The following NCKAP5 variants were observed in gnomAD, a reference collection of about 807,000 sequenced individuals.
NCKAP5 encodes NCK associated protein 5.
In NCKAP5, 92 loss-of-function variants were observed where a neutral mutation model predicts 167.0. That is an observed-to-expected ratio of 0.55 (90% CI 0.47 to 0.66). The LOEUF is 0.66. Among genes scored for constraint, NCKAP5 ranks in the 30% least tolerant of loss-of-function variants. The pLI is 0.00. For missense variants in NCKAP5, 2,378 were observed against 2,315.0 expected (o/e 1.03, Z -0.56); for synonymous variants, 891 against 877.4 (o/e 1.02, Z -0.27).
At chr2:133,205,160 G>A (rs2085887452) in intron 5 of NCKAP5, among the ~76,000 whole-genome samples, 1 of 152,074 alleles carries the variant, frequency 6.6e-6, no homozygotes, top group Non-Finnish European at 1.5e-5. Context: ...AGGCATCGTG[G>A]TGTGTGCCTT....
chr2:132,724,957 A>G (rs1194525152), intron 19 of NCKAP5, among the ~76,000 whole-genome samples: 1 of 152,192 alleles, frequency 6.6e-6, no homozygotes, highest in Non-Finnish European at 1.5e-5. Flanking sequence ...TTTAGAAAAA[A>G]GTTGATTAGT....
At chr2:133,324,815 G>A (rs1159535745) in intron 3 of NCKAP5, among the ~76,000 whole-genome samples, 1 of 152,070 alleles carries the variant, frequency 6.6e-6, no homozygotes, top group African/African-American at 2.4e-5. Context: ...CACCGCCTGG[G>A]TTCAAGTGAT....
intron 3 of NCKAP5, among the ~76,000 whole-genome samples, chr2:133,326,884 T>C (rs964228463): frequency 6.6e-6 from 1 of 152,182 alleles, no homozygotes; most frequent in South Asian, 2.1e-4. Context: ...CAGATTCCAC[T>C]TCAGACCAAC....
chr2:132,677,319 C>T (rs563145905), intron 19 of NCKAP5, among the ~76,000 whole-genome samples: 2 of 152,110 alleles, frequency 1.3e-5, no homozygotes, highest in South Asian at 2.1e-4. Flanking sequence ...AAAATATTTT[C>T]CTGCCTTTAG....
chr2:132,769,387 G>A (rs1681822917), intron 16 of NCKAP5, among the ~76,000 whole-genome samples: 1 of 152,108 alleles, frequency 6.6e-6, no homozygotes, highest in Non-Finnish European at 1.5e-5. Context: ...GTTAATATTG[G>A]TTAAAAGAAC....
chr2:132,780,763 C>T (rs957756350), intron 15 of NCKAP5, among the ~76,000 whole-genome samples: 2 of 152,130 alleles, frequency 1.3e-5, no homozygotes, highest in African/African-American at 4.8e-5. Context: ...GAAGATGATA[C>T]CAGTAGCATC....
intron 17 of NCKAP5, 92 bp downstream of exon 17, chr2:132,731,645 G>A (rs1194553023): frequency 2.2e-6 from 3 of 1,335,284 alleles, no homozygotes; most frequent in Non-Finnish European, 3.1e-6. Context: ...ATTTTTATCA[G>A]GCAGGTCACT....
chr2:133,632,826 G>C, the NCKAP5 span, among the ~76,000 whole-genome samples: 7 of 152,228 alleles, frequency 4.6e-5, no homozygotes, highest in Non-Finnish European at 1.5e-5. Flanking sequence ...CTGCAACTGT[G>C]AAGAGGCCAA....
At chr2:132,857,953 A>G (rs1365783775) in intron 11 of NCKAP5, among the ~76,000 whole-genome samples, 1 of 152,198 alleles carries the variant, frequency 6.6e-6, no homozygotes, top group African/African-American at 2.4e-5. Flanking sequence ...AGGGACAAAG[A>G]ATTGGCTGTT....
At chr2:133,305,194 T>G (rs1243487888) in intron 3 of NCKAP5, among the ~76,000 whole-genome samples, 1 of 152,158 alleles carries the variant, frequency 6.6e-6, no homozygotes, top group Non-Finnish European at 1.5e-5. Context: ...GGACTTGTCA[T>G]TTTGTTCATT....
chr2:133,012,501 G>T (rs2078195893), intron 6 of NCKAP5, among the ~76,000 whole-genome samples: 1 of 152,148 alleles, frequency 6.6e-6, no homozygotes. Context: ...GCCCGCCTCG[G>T]CCTCCCAAAG....
chr2:133,224,982 T>C (rs1177166126), intron 4 of NCKAP5, among the ~76,000 whole-genome samples: 1 of 152,186 alleles, frequency 6.6e-6, no homozygotes, highest in Non-Finnish European at 1.5e-5. Flanking sequence ...TGCCACGCTC[T>C]CTAAGAAACT....
chr2:132,995,433 C>T (rs1351855533), intron 6 of NCKAP5, among the ~76,000 whole-genome samples: 14 of 151,760 alleles, frequency 9.2e-5, no homozygotes, highest in Non-Finnish European at 2.9e-5. Flanking sequence ...GGTGGGTCAC[C>T]TGAGGTCAGG....
chr2:133,263,883 T>C (rs2089044857), intron 4 of NCKAP5, among the ~76,000 whole-genome samples: 3 of 152,180 alleles, frequency 2.0e-5, no homozygotes, highest in Admixed American at 6.5e-5. Context: ...CTCAAGTAAA[T>C]ATATGCTAGA....
At chr2:132,730,532 T>C (rs1305541012) in intron 17 of NCKAP5, among the ~76,000 whole-genome samples, 1 of 152,108 alleles carries the variant, frequency 6.6e-6, no homozygotes, top group Non-Finnish European at 1.5e-5. Flanking sequence ...GAACCTTAGA[T>C]ACCTGGTGCA....
chr2:133,190,902 A>G (rs1040542230), intron 5 of NCKAP5, among the ~76,000 whole-genome samples: 2 of 152,332 alleles, frequency 1.3e-5, no homozygotes, highest in South Asian at 2.1e-4. Context: ...AATGGCAACA[A>G]AAGCCAAAAT....
intron 7 of NCKAP5, among the ~76,000 whole-genome samples, chr2:132,974,342 G>A (rs969087430): frequency 6.6e-6 from 1 of 152,156 alleles, no homozygotes; most frequent in Non-Finnish European, 1.5e-5. Context: ...AGAGATCAGG[G>A]TGGTGTTAAA....
chr2:133,649,248 A>G, the NCKAP5 span, among the ~76,000 whole-genome samples: 3 of 150,682 alleles, frequency 2.0e-5, no homozygotes, highest in Non-Finnish European at 3.0e-5. Context: ...AGTAATCACA[A>G]TCTCCTAACA....
At chr2:133,621,579 A>G in the NCKAP5 span, among the ~76,000 whole-genome samples, 14,296 of 151,246 alleles carry the variant, frequency 0.095, 778 homozygotes, top group African/African-American at 0.12. Context: ...CCAGCAAGAT[A>G]AAGAATCTCT....
Sources: allele counts gnomAD v4.1 joint callset (sites outside exome capture counted in the v4.1 genomes callset), GRCh38; gene constraint gnomAD v4.1.1; transcripts MANE v1.5; gene names NCBI Gene and HGNC (gene_info 2026-07-23, HGNC 2026-07-21).